GZMB: variants seen among roughly 807,000 people sequenced by gnomAD.
GZMB encodes the protein T-cell serine protease 1-3E.
A neutral mutation model predicts 24.2 loss-of-function variants in GZMB; 27 were observed. The observed-to-expected ratio is 1.12, with a 90% CI of 0.82 to 1.54. The LOEUF is 1.54. Ranked by LOEUF, GZMB falls within the 40% of genes most tolerant of loss-of-function variation. The probability of loss-of-function intolerance (pLI) is 0.00; values close to 1 mark genes in which losing one functional copy is unlikely to be tolerated. For synonymous variants in GZMB, 121 were observed against 115.1 expected (o/e 1.05, Z -0.33); for missense variants, 336 against 310.1 (o/e 1.08, Z -0.63).
intron 4 of GZMB, 119 bp downstream of exon 4, chr14:24,631,739 G>A (rs1003514958): frequency 2.3e-6 from 2 of 862,030 alleles, no homozygotes; most frequent in African/African-American, 3.3e-5. Context: ...TCTCTTTCCA[G>A]AGAGAAATAT....
rs764620375 is a variant in GZMB at position 24,634,173 on chromosome 14, G to T, written c.-13C>A. ...GGATTGGTTGCATCTTCTCAGGAAG[G>T]CTGCCCTGGTTGGAGCTGCTGTTGT... is the stretch of plus-strand genomic sequence containing the variant. On this transcript the variant is annotated 5_prime_UTR_variant, in exon 1 of 5. Coordinates refer to ENST00000216341, the MANE Select transcript of GZMB (RefSeq NM_004131.6). 1 of 1,584,098 alleles carries T rather than the reference G, an allele frequency of 6.3e-7. No individual in the cohort carries two copies. Among genetic ancestry groups the T allele is most frequent in the Non-Finnish European group, 8.6e-7 (1 of 1,165,656 alleles).
intron 4 of GZMB, 103 bp from the exon 5 acceptor site, chr14:24,631,317 A>T: frequency 1.0e-6 from 1 of 988,354 alleles, no homozygotes; most frequent in Non-Finnish European, 1.5e-6. Flanking sequence ...CACAGCCTAC[A>T]TGTGGGAGAC....
intron 4 of GZMB, 53 bp from the exon 5 acceptor site, chr14:24,631,267 C>T: frequency 6.6e-7 from 1 of 1,522,430 alleles, no homozygotes; most frequent in South Asian, 1.2e-5. Flanking sequence ...GTCCTGCCCT[C>T]TCTTCCATCT....
At chr14:24,633,332 A>G in intron 1 of GZMB, 1 of 984,814 alleles carries the variant, frequency 1.0e-6, no homozygotes, top group Non-Finnish European at 1.2e-6. Context: ...TCCTCTCCTG[A>G]CTTTGCTTTG....
Position 24,632,478 on chromosome 14 carries a change from G to A in GZMB, c.204-19C>T, listed in dbSNP as rs774106269. 1.2e-6 allele frequency: 2 copies of A among 1,613,828 alleles called. No individual in the cohort carries two copies. The highest frequency in any genetic ancestry group is 1.1e-5 in the South Asian group (1 of 91,020). ...TATGGAGCTGCACAGAGAGCAGAGTGAGGATGGGGGTGGAGTCACAGGGTA... is the reference window on the plus strand; with the variant it reads ...TATGGAGCTGCACAGAGAGCAGAGTAAGGATGGGGGTGGAGTCACAGGGTA... On this transcript the variant is annotated intron_variant, in intron 2 of 4. Transcript: ENST00000216341.
chr14:24,632,540 G>A lies in GZMB; in HGVS notation c.204-81C>T, dbSNP rs928168438. 3.8e-6 allele frequency: 6 copies of A among 1,599,188 alleles called. No homozygotes were observed. In the African/African-American group the frequency reaches 6.7e-5, roughly 18 times the overall value. On this transcript the variant is annotated intron_variant, in intron 2 of 4. Coordinates refer to ENST00000216341, the MANE Select transcript of GZMB (RefSeq NM_004131.6). Reference sequence around the variant, plus strand: ...GACAGTGAAGAGCAGGTGACAGCTGGGGCAGGGCTGCAGCTGAGGGGAAAT... The same window carrying A: ...GACAGTGAAGAGCAGGTGACAGCTGAGGCAGGGCTGCAGCTGAGGGGAAAT...
Position 24,633,031 on chromosome 14 carries a change from G to C in GZMB, c.87C>G (p.Pro29=). The change falls in exon 2 of 5, where the codon CCC becomes CCG. Residue 29 remains proline (P), a synonymous_variant. Coordinates refer to ENST00000216341, the MANE Select transcript of GZMB (RefSeq NM_004131.6). Reference sequence around the variant, plus strand: ...GATAAGCCATGTAGGGGCGGGAGTGGGGCTTGGCCTCATGTCCCCCGATGA... The same window carrying C: ...GATAAGCCATGTAGGGGCGGGAGTGCGGCTTGGCCTCATGTCCCCCGATGA... ...GEIIGGHEAK[P]HSRPYMAYLM... is the part of the protein sequence containing the mutation. 2.5e-6 allele frequency: 4 copies of C among 1,612,712 alleles called. No homozygotes were observed. Among genetic ancestry groups the C allele is most frequent in the Non-Finnish European group, 3.4e-6 (4 of 1,179,228 alleles).
In GZMB at chr14:24,634,133, A is replaced by G. The variant is rs759144782; in HGVS notation, c.28T>C (p.Phe10Leu). 50 of 1,595,108 alleles carry G rather than the reference A, an allele frequency of 3.1e-5. No homozygotes were observed. Among genetic ancestry groups the G allele is most frequent in the Non-Finnish European group, 4.2e-5 (49 of 1,172,052 alleles). Residue 10 changes from phenylalanine to leucine, a missense_variant, in exon 1 of 5, where the codon TTC becomes CTC. Phe to Leu is a conservative substitution (Grantham distance 22). Coordinates refer to ENST00000216341, the MANE Select transcript of GZMB (RefSeq NM_004131.6). ...GCATCTGCCCTGGGCAGCAGGAGGA[A>G]GGCCAGCAGAAGCAGGATTGGTTGC... Reference protein sequence around the residue: MQPILLLLAFLLLPRADAGE... With the variant: MQPILLLLALLLLPRADAGE...
chr14:24,633,272 G>A (rs1487729724), intron 1 of GZMB: 11 of 984,546 alleles, frequency 1.1e-5, no homozygotes, highest in Admixed American at 6.2e-5. Flanking sequence ...GTAGTTGAAG[G>A]CGAGCATACC....
chr14:24,631,513 G>A (rs1056605745), intron 4 of GZMB: 3 of 544,358 alleles, frequency 5.5e-6, no homozygotes, highest in Admixed American at 6.5e-5. Flanking sequence ...TGTCCACCAT[G>A]GAGGACCAGC....
In GZMB at chr14:24,631,000, C is replaced by G. The variant is rs764325565; in HGVS notation, c.*71G>C. The G allele has an allele frequency of 4.3e-6, 5 of 1,173,538 alleles. No homozygotes were observed. The highest frequency in any genetic ancestry group is 6.4e-6 in the Non-Finnish European group (5 of 786,124). 72.7% of individuals were successfully genotyped at this position (1,173,538 alleles called of 1,614,324 possible). On this transcript the variant is annotated 3_prime_UTR_variant, in exon 5 of 5. Coordinates refer to ENST00000216341, the MANE Select transcript of GZMB (RefSeq NM_004131.6). ...ATTTATTCAGTTGCTGGCACCTCTCCCAGTGTAAATCTGGACTTGGCTCCA... is the reference window on the plus strand; with the variant it reads ...ATTTATTCAGTTGCTGGCACCTCTCGCAGTGTAAATCTGGACTTGGCTCCA...
intron 4 of GZMB, chr14:24,631,454 G>A (rs1431603761): frequency 1.8e-6 from 1 of 565,250 alleles, no homozygotes; most frequent in Non-Finnish European, 3.1e-6. Flanking sequence ...TCGGAGGTAT[G>A]TGGGACCGTT....
rs112016093 is a variant in GZMB at position 24,632,014 on chromosome 14, C to T, written c.444G>A (p.Gly148=). The T allele has an allele frequency of 2.0e-5, 32 of 1,614,044 alleles. No individual in the cohort carries two copies. In the Admixed American group the frequency reaches 2.5e-4, roughly 13 times the overall value. ...AGTGTTTTCCCAGGGGGGCCGTCTG[C>T]CCCCAGCCGGCCACACTGCATGTCT... The part of the protein sequence containing the change: ...PGQTCSVAGW[G]QTAPLGKHSH... The change falls in exon 4 of 5, where the codon GGG becomes GGA. Residue 148 remains glycine (G), a synonymous_variant. Transcript: ENST00000216341.
chr14:24,633,265 G>T, intron 1 of GZMB: 1 of 984,554 alleles, frequency 1.0e-6, no homozygotes, highest in Non-Finnish European at 1.2e-6. Flanking sequence ...TCCATATGTA[G>T]TTGAAGGCGA....
intron 2 of GZMB, 100 bp downstream of exon 2, chr14:24,632,815 G>A (rs1594828842): frequency 5.7e-6 from 7 of 1,219,344 alleles, no homozygotes; most frequent in Middle Eastern, 1.9e-4. Flanking sequence ...GAGACCTCCT[G>A]GCATGTGTGT....
chr14:24,632,239 A>C, intron 3 of GZMB, 85 bp downstream of exon 3: 3 of 1,517,622 alleles, frequency 2.0e-6, no homozygotes, highest in Non-Finnish European at 1.8e-6. Context: ...AGAGGCCAGG[A>C]TGGAAAGGAG....
intron 2 of GZMB, 99 bp from the exon 3 acceptor site, chr14:24,632,558 G>A: frequency 6.3e-7 from 1 of 1,579,976 alleles, no homozygotes; most frequent in Non-Finnish European, 8.7e-7. Flanking sequence ...CTGCAGCTGA[G>A]GGGAAATTAA....
intron 2 of GZMB, 162 bp downstream of exon 2, chr14:24,632,753 C>T (rs759100261): frequency 1.2e-6 from 1 of 849,132 alleles, no homozygotes; most frequent in South Asian, 1.4e-5. Flanking sequence ...ACCTCTGGAA[C>T]CAACCTTCCC....
rs865927155 is a variant in GZMB at position 24,632,628 on chromosome 14, C to T, written c.204-169G>A. On this transcript the variant is annotated intron_variant, in intron 2 of 4. Coordinates refer to ENST00000216341, the MANE Select transcript of GZMB (RefSeq NM_004131.6). ...TAATTGCACCAGGTTTCTCAGGGTT[C>T]GGTTCCCCCTAGAAACACAGGTGGA... is the stretch of plus-strand genomic sequence containing the variant. 5.6e-5 allele frequency: 62 copies of T among 1,104,266 alleles called. No homozygotes were observed. In the Middle Eastern group the frequency reaches 1.2e-3, roughly 21 times the overall value. 68.4% of individuals were successfully genotyped at this position (1,104,266 alleles called of 1,614,324 possible). A position where few individuals can be genotyped will look rare whatever the true frequency, so the allele number is the denominator to read the frequency against.
Sources: gnomAD v4.1 joint callset for allele counts on GRCh38, gnomAD v4.1.1 for gene constraint, MANE v1.5 for transcripts, NCBI Gene and HGNC (gene_info 2026-07-23, HGNC 2026-07-21) for gene names.